The following LIPA variants were observed in gnomAD, a reference collection of about 807,000 sequenced individuals.
LIPA encodes lysosomal acid lipase/cholesteryl ester hydrolase.
LIPA carries 26 observed loss-of-function variants against 40.6 expected under a neutral mutation model. The observed-to-expected ratio is 0.64, with a 90% CI of 0.47 to 0.89. The LOEUF (loss-of-function observed/expected upper bound fraction) is 0.89. Ranked by LOEUF, LIPA falls within the 40% of genes least tolerant of loss-of-function variation. The pLI, the probability that LIPA is intolerant of heterozygous loss-of-function variation, is 0.00. For missense variants in LIPA, 455 were observed against 479.6 expected (o/e 0.95, Z 0.48); for synonymous variants, 188 against 168.4 (o/e 1.12, Z -0.90).
Position 89,214,787 on chromosome 10 carries a change from C to A in LIPA, c.*41G>T. The A allele has an allele frequency of 8.5e-7, 1 of 1,178,830 alleles. No individual in the cohort carries two copies. Among genetic ancestry groups the A allele is most frequent in the Non-Finnish European group, 1.3e-6 (1 of 785,226 alleles). The allele number at this position is 1,178,830 out of a possible 1,614,324, so 73.0% of individuals were successfully genotyped here. A position where few individuals can be genotyped will look rare whatever the true frequency, so the allele number is the denominator to read the frequency against. ...ATGAAGCAAACACATTTTCACATGA[C>A]ATAATCATTGACTTGGTGGTACACA... On this transcript the variant is annotated 3_prime_UTR_variant, in exon 10 of 10. Transcript: ENST00000336233.
chr10:89,391,304 C>T (rs1398799525), intron 2 of LIPA, among the ~76,000 whole-genome samples: 1 of 152,174 alleles, frequency 6.6e-6, no homozygotes, highest in East Asian at 1.9e-4. Flanking sequence ...GCCTCTACCT[C>T]CTGGGCTCAA....
At chr10:89,216,088 C>T in intron 8 of LIPA, 79 bp from the exon 9 acceptor site, 1 of 933,112 alleles carries the variant, frequency 1.1e-6, no homozygotes, top group Non-Finnish European at 1.8e-6. Context: ...GAGCTAGCCA[C>T]AACCTCGGAA....
At chr10:89,373,170 A>G (rs1309313116) in intron 2 of LIPA, among the ~76,000 whole-genome samples, 1 of 151,886 alleles carries the variant, frequency 6.6e-6, no homozygotes, top group African/African-American at 2.4e-5. Flanking sequence ...CGTCTCTACT[A>G]AAAATACAAA....
At chr10:89,234,759 C>T (rs1341518486) in intron 3 of LIPA, among the ~76,000 whole-genome samples, 1 of 152,240 alleles carries the variant, frequency 6.6e-6, no homozygotes, top group African/African-American at 2.4e-5. Flanking sequence ...TTCACATCTT[C>T]CAGTGAACTA....
chr10:89,353,869 A>C (rs919125157), intron 2 of LIPA, among the ~76,000 whole-genome samples: 2 of 152,008 alleles, frequency 1.3e-5, no homozygotes, highest in African/African-American at 4.8e-5. Context: ...TGAACCAGGG[A>C]GGCAGAGCTT....
rs766290967 is a variant in LIPA, at chr10:89,247,640, C to T, written c.9G>A (p.Met3Ile). 9 of 1,603,380 alleles carry T rather than the reference C, an allele frequency of 5.6e-6. No individual in the cohort carries two copies. In the South Asian group the frequency reaches 9.9e-5, roughly 18 times the overall value. MK[M>I]RFLGLVVCLV... ...AACAGACCACCAACCCCAAGAACCGCATTTTCATTCTGTATAATAAAACAG... is the reference window on the plus strand; with the variant it reads ...AACAGACCACCAACCCCAAGAACCGTATTTTCATTCTGTATAATAAAACAG... Residue 3 changes from methionine (M) to isoleucine (I), a missense_variant, in exon 2 of 10, where the codon ATG becomes ATA. Coordinates refer to ENST00000336233, the MANE Select transcript of LIPA (RefSeq NM_000235.4).
rs529095909 is a variant in LIPA, at chr10:89,328,182, G to T, written c.-2+14429C>A. The T allele has an allele frequency of 4.2e-5, 47 of 1,109,004 alleles. No homozygotes were observed. The African/African-American group carries it at 7.0e-4, about 16-fold the overall frequency. 68.7% of individuals were successfully genotyped at this position (1,109,004 alleles called of 1,614,324 possible). A position where few individuals can be genotyped will look rare whatever the true frequency, so the allele number is the denominator to read the frequency against. On this transcript the variant is annotated intron_variant, in intron 1 of 5. Transcript: ENST00000282673. ...TTCCTGAATTGTCCTGATGTTTATAGATTCAATATGTCTTTATCAGTCTGA... is the reference window on the plus strand; with the variant it reads ...TTCCTGAATTGTCCTGATGTTTATATATTCAATATGTCTTTATCAGTCTGA...
At chr10:89,349,060 T>C (rs1044488939) in intron 2 of LIPA, among the ~76,000 whole-genome samples, 4 of 152,118 alleles carry the variant, frequency 2.6e-5, no homozygotes, top group African/African-American at 7.2e-5. Flanking sequence ...ACTTGAGAAA[T>C]AGCAAATGCA....
At chr10:89,387,992 G>A (rs1296593349) in intron 2 of LIPA, among the ~76,000 whole-genome samples, 1 of 152,164 alleles carries the variant, frequency 6.6e-6, no homozygotes, top group Non-Finnish European at 1.5e-5. Flanking sequence ...AATATGTAGG[G>A]AATGGTGGAT....
intron 2 of LIPA, among the ~76,000 whole-genome samples, chr10:89,367,653 C>T (rs1365741938): frequency 6.6e-6 from 1 of 152,188 alleles, no homozygotes; most frequent in East Asian, 1.9e-4. Context: ...CTCCTTCACA[C>T]CTTCCCCTGG....
intron 3 of LIPA, among the ~76,000 whole-genome samples, chr10:89,238,789 A>T (rs369974930): frequency 8.9e-4 from 136 of 152,356 alleles, no homozygotes; most frequent in African/African-American, 2.9e-3. Context: ...TACATATAAC[A>T]TATAAAATAT....
intron 1 of LIPA, among the ~76,000 whole-genome samples, chr10:89,318,349 A>T (rs993230689): frequency 6.6e-6 from 1 of 152,152 alleles, no homozygotes; most frequent in Non-Finnish European, 1.5e-5. Flanking sequence ...CACATAGGCT[A>T]AAAATAAAGG....
At chr10:89,372,228 C>G (rs1045263325) in intron 2 of LIPA, among the ~76,000 whole-genome samples, 1 of 152,212 alleles carries the variant, frequency 6.6e-6, no homozygotes, top group Non-Finnish European at 1.5e-5. Context: ...TGGTCCTAGA[C>G]CAAAGCCTTT....
In LIPA at chr10:89,215,099, T is replaced by C. The variant is rs751647059; in HGVS notation, c.967-38A>G. ...GGAACCAGAGAAAGCCTCGTTGTTG[T>C]TGTTGTTTTAATTTTCAAAATCACA... is the stretch of plus-strand genomic sequence containing the variant. On this transcript the variant is annotated intron_variant, in intron 9 of 9. Coordinates refer to ENST00000336233, the MANE Select transcript of LIPA (RefSeq NM_000235.4). 4.1e-5 allele frequency: 60 copies of C among 1,466,944 alleles called. 1 individual carries two copies. Among genetic ancestry groups the C allele is most frequent in the Non-Finnish European group, 5.7e-5 (60 of 1,046,192 alleles). The allele number at this position is 1,466,944 out of a possible 1,614,324, so 90.9% of individuals were successfully genotyped here.
intron 1 of LIPA, among the ~76,000 whole-genome samples, chr10:89,322,426 T>C (rs2133533321): frequency 6.6e-6 from 1 of 151,764 alleles, no homozygotes; most frequent in East Asian, 1.9e-4. Flanking sequence ...TACCAGCCTG[T>C]CCGGGCTCAG....
At chr10:89,224,275 G>A (rs12415827) in intron 6 of LIPA, among the ~76,000 whole-genome samples, 17,892 of 152,136 alleles carry the variant, frequency 0.12, 1,205 homozygotes, top group African/African-American at 0.15. Flanking sequence ...CCAGCCCATC[G>A]CTTGCTTTTT....
chr10:89,291,380 C>A (rs1052336339), intron 1 of LIPA, among the ~76,000 whole-genome samples: 10 of 152,156 alleles, frequency 6.6e-5, no homozygotes, highest in Non-Finnish European at 1.2e-4. Context: ...ATTTCCCAGT[C>A]TCCAGAGGTA....
intron 2 of LIPA, among the ~76,000 whole-genome samples, chr10:89,366,577 CTCA>C (rs1564800711): frequency 6.6e-6 from 1 of 152,130 alleles, no homozygotes; most frequent in African/African-American, 2.4e-5. Context: ...TGAAAAAATG[CTCA>C]TCATCACTGG....
rs1205444426 is a variant in LIPA at position 89,234,059 on chromosome 10, C to G, written c.230-5661G>C. Among the ~76,000 whole-genome samples the G allele has an allele frequency of 3.3e-5, 5 of 152,126 alleles. No homozygotes were observed. The East Asian group carries it at 9.6e-4, about 29-fold the overall frequency. ...AGGCTAGAACACCACTCAGGAAGTC[C>G]CAGAAGAAGGAGAAAGTTACTTGGC... is the stretch of plus-strand genomic sequence containing the variant. On this transcript the variant is annotated intron_variant, in intron 3 of 9. Coordinates refer to ENST00000336233, the MANE Select transcript of LIPA (RefSeq NM_000235.4).
Sources: allele counts gnomAD v4.1 joint callset (sites outside exome capture counted in the v4.1 genomes callset), GRCh38; gene constraint gnomAD v4.1.1; transcripts MANE v1.5; gene names NCBI Gene and HGNC (gene_info 2026-07-23, HGNC 2026-07-21).